The following PCDHA7 variants were observed in gnomAD, a reference collection of about 807,000 sequenced individuals.
PCDHA7 encodes the protein protocadherin alpha-7.
PCDHA7 carries 37 observed loss-of-function variants against 57.2 expected under a neutral mutation model. That is an observed-to-expected ratio of 0.65 (90% confidence interval 0.50 to 0.85). PCDHA7 has a LOEUF of 0.85. Among genes scored for constraint, PCDHA7 ranks in the 40% least tolerant of loss-of-function variants. The pLI, the probability that PCDHA7 is intolerant of heterozygous loss-of-function variation, is 0.00. For missense variants in PCDHA7, 1,188 were observed against 1,241.8 expected (o/e 0.96, Z 0.65); for synonymous variants, 553 against 558.8 (o/e 0.99, Z 0.15).
chr5:140,979,383 T>C (rs2096847136), intron 2 of PCDHA7, among the ~76,000 whole-genome samples: 1 of 152,220 alleles, frequency 6.6e-6, no homozygotes, highest in Admixed American at 6.5e-5. Context: ...CATTGTGCAA[T>C]GTATACATAC....
Position 140,883,460 on chromosome 5 carries a change from G to C in PCDHA7, c.2355+46722G>C, listed in dbSNP as rs1554178305. 4 of 1,614,138 alleles carry C rather than the reference G, an allele frequency of 2.5e-6. No individual in the cohort carries two copies. The African/African-American group carries it at 5.3e-5, about 22-fold the overall frequency. On this transcript the variant is annotated intron_variant, in intron 1 of 3. Transcript: ENST00000525929. Reference sequence around the variant, plus strand: ...GACGCCGCATGTCCCCTTCAAGCTGGTGTCCACCTACAAGAACTACTACTC... The same window carrying C: ...GACGCCGCATGTCCCCTTCAAGCTGCTGTCCACCTACAAGAACTACTACTC...
intron 1 of PCDHA7, among the ~76,000 whole-genome samples, chr5:140,910,717 T>C (rs1349205242): frequency 1.3e-5 from 2 of 152,142 alleles, no homozygotes; most frequent in African/African-American, 4.8e-5. Flanking sequence ...CATCTTTTAA[T>C]CCATATTTCA....
intron 1 of PCDHA7, among the ~76,000 whole-genome samples, chr5:140,924,394 T>A (rs973977224): frequency 2.0e-5 from 3 of 152,176 alleles, no homozygotes; most frequent in Admixed American, 2.0e-4. Context: ...CTACTTATAT[T>A]GCCTTATATC....
Position 140,855,963 on chromosome 5 carries a change from A to T in PCDHA7, c.2355+19225A>T, listed in dbSNP as rs1291137660. The stretch of plus-strand genomic sequence containing the variant: ...TCTCAGCCATTTCGATAAAAAATAG[A>T]TATAAGAAATAGGACAGAAAATGTC... On this transcript the variant is annotated intron_variant, in intron 1 of 3. Transcript: ENST00000525929. The T allele has an allele frequency of 2.8e-6, 4 of 1,404,280 alleles. No individual in the cohort carries two copies. In the African/African-American group the frequency reaches 5.7e-5, roughly 20 times the overall value. The allele number at this position is 1,404,280 out of a possible 1,614,324, so 87.0% of individuals were successfully genotyped here. A position where few individuals can be genotyped will look rare whatever the true frequency, so the allele number is the denominator to read the frequency against.
In PCDHA7 at chr5:140,883,010, A is replaced by G. The variant is rs149814661; in HGVS notation, c.2355+46272A>G. 9.8e-4 allele frequency: 1,586 copies of G among 1,614,156 alleles called. 2 individuals carry two copies. The highest frequency in any genetic ancestry group is 1.3e-3 in the Non-Finnish European group (1,478 of 1,180,036). ...CCCGGAATTTTACCAATCCGTTTAT[A>G]AAGTGACGGTGTTAGAGAACGCCTT... On this transcript the variant is annotated intron_variant, in intron 1 of 3. Coordinates refer to ENST00000525929, the MANE Select transcript of PCDHA7 (RefSeq NM_018910.3).
chr5:140,896,390 C>A, intron 1 of PCDHA7, among the ~76,000 whole-genome samples: 1 of 152,124 alleles, frequency 6.6e-6, no homozygotes, highest in Non-Finnish European at 1.5e-5. Flanking sequence ...ACCTCACCAG[C>A]ATCTGTTATT....
intron 1 of PCDHA7, chr5:140,858,027 C>T: frequency 1.3e-6 from 2 of 1,596,754 alleles, no homozygotes; most frequent in Non-Finnish European, 1.7e-6. Flanking sequence ...TCGCTGACGG[C>T]CACGGCCACT....
intron 1 of PCDHA7, chr5:140,967,776 C>T: frequency 1.2e-6 from 2 of 1,614,148 alleles, no homozygotes; most frequent in East Asian, 2.2e-5. Flanking sequence ...TATGTGCAGG[C>T]GACTGACCGG....
intron 1 of PCDHA7, among the ~76,000 whole-genome samples, chr5:140,965,140 TG>T (rs1191631396): frequency 2.0e-5 from 3 of 152,150 alleles, no homozygotes; most frequent in Non-Finnish European, 4.4e-5. Flanking sequence ...GACAGAATAC[TG>T]GGAGATGAAG....
At chr5:140,885,981 G>A (rs536900560) in intron 1 of PCDHA7, among the ~76,000 whole-genome samples, 44 of 151,942 alleles carry the variant, frequency 2.9e-4, no homozygotes, top group African/African-American at 8.4e-4. Context: ...TTATAGATTC[G>A]CATGTGGTTG....
intron 1 of PCDHA7, among the ~76,000 whole-genome samples, chr5:140,892,861 G>A (rs1422724084): frequency 2.6e-5 from 4 of 152,100 alleles, no homozygotes; most frequent in African/African-American, 9.7e-5. Flanking sequence ...TTCCTCCTGT[G>A]TAGCTATAAT....
intron 1 of PCDHA7, chr5:140,841,933 C>G (rs2150325780): frequency 1.2e-6 from 2 of 1,613,858 alleles, no homozygotes; most frequent in Non-Finnish European, 1.7e-6. Flanking sequence ...ACAGAGAGGA[C>G]GCTCCTGCGC....
intron 1 of PCDHA7, among the ~76,000 whole-genome samples, chr5:140,871,781 T>C (rs2053304252): frequency 6.6e-6 from 1 of 152,238 alleles, no homozygotes. Flanking sequence ...CTGTAGTCAC[T>C]TGAGTAGAAA....
chr5:140,971,529 T>G (rs782358590), intron 1 of PCDHA7, among the ~76,000 whole-genome samples: 1 of 152,176 alleles, frequency 6.6e-6, no homozygotes, highest in East Asian at 1.9e-4. Flanking sequence ...GTTCTGAAAG[T>G]CATCATTGCC....
At chr5:140,866,703 G>T (rs553518884) in intron 1 of PCDHA7, 45 of 152,224 alleles carry the variant, frequency 3.0e-4, no homozygotes, top group African/African-American at 1.1e-3. Context: ...AGTGGATGAC[G>T]TGCACTAGTA....
intron 1 of PCDHA7, chr5:140,866,649 T>C (rs1554160460): frequency 6.6e-6 from 1 of 152,162 alleles, no homozygotes; most frequent in South Asian, 2.1e-4. Context: ...AAAATTTATT[T>C]ATGTGTTTTC....
At chr5:140,958,587 A>G (rs530889375) in intron 1 of PCDHA7, among the ~76,000 whole-genome samples, 36 of 152,292 alleles carry the variant, frequency 2.4e-4, no homozygotes, top group African/African-American at 8.2e-4. Context: ...AAATGAGCTT[A>G]TGATAATTGG....
At chr5:140,863,216 C>T (rs781920741) in intron 1 of PCDHA7, 10 of 1,084,230 alleles carry the variant, frequency 9.2e-6, no homozygotes, top group African/African-American at 3.2e-5. Flanking sequence ...AGCAGCCAAG[C>T]GAGGAAGGTC....
intron 1 of PCDHA7, chr5:140,882,963 T>C (rs2059384915): frequency 3.7e-6 from 6 of 1,614,088 alleles, no homozygotes; most frequent in Admixed American, 1.7e-5. Context: ...CTCATCACGA[T>C]TCTGGACGTG....
Sources: gnomAD v4.1 joint callset for allele counts (sites outside exome capture counted in the v4.1 genomes callset) on GRCh38, gnomAD v4.1.1 for gene constraint, MANE v1.5 for transcripts, NCBI Gene and HGNC (gene_info 2026-07-23, HGNC 2026-07-21) for gene names.